Variants in MYOF observed in about 807,000 individuals in gnomAD.
MYOF encodes myoferlin.
Under a neutral mutation model 284.2 loss-of-function variants are expected in MYOF, and 244 were observed. The observed-to-expected ratio is 0.86, with a 90% CI of 0.77 to 0.95. The LOEUF (loss-of-function observed/expected upper bound fraction) is 0.95, where lower values mean the gene tolerates loss of function less well. MYOF is among the 40% of genes least tolerant of loss of function. MYOF has a pLI of 0.00. For missense variants in MYOF, 2,496 were observed against 2,560.6 expected, an observed-to-expected ratio of 0.97 and a Z score of 0.54; for synonymous variants, 904 against 919.7, an observed-to-expected ratio of 0.98 and a Z score of 0.31.
Position 93,361,444 on chromosome 10 carries a change from A to G in MYOF, c.2974+8T>C. The G allele has an allele frequency of 6.2e-7, 1 of 1,613,250 alleles. No individual in the cohort carries two copies. Among genetic ancestry groups the G allele is most frequent in the Non-Finnish European group, 8.5e-7 (1 of 1,179,258 alleles). On this transcript the variant is annotated splice_region_variant and intron_variant, in intron 28 of 53. Transcript: ENST00000359263. ...AGCCCCAATCAGGTCACAGATGTACAATGTTACCTTTCTCATCCACCGCTC... is the reference window on the plus strand; with the variant it reads ...AGCCCCAATCAGGTCACAGATGTACGATGTTACCTTTCTCATCCACCGCTC...
At chr10:93,423,371 AC>A (rs532050367) in intron 5 of MYOF, among the ~76,000 whole-genome samples, 131 of 151,814 alleles carry the variant, frequency 8.6e-4, no homozygotes, top group Middle Eastern at 3.4e-3. Context: ...TACTAAAAAT[AC>A]AAAAATTAAG....
At chr10:93,411,669 A>G (rs974024012) in intron 5 of MYOF, among the ~76,000 whole-genome samples, 5 of 152,160 alleles carry the variant, frequency 3.3e-5, no homozygotes, top group African/African-American at 1.2e-4. Context: ...CCACAAGGGA[A>G]AAGGGGGCCT....
At position 93,381,231 on chromosome 10, in the gene MYOF, C is replaced by G. The variant is rs752996731; in HGVS notation, c.1864G>C (p.Ala622Pro). The G allele has an allele frequency of 1.2e-6, 2 of 1,614,176 alleles. No homozygotes were observed. Among genetic ancestry groups the G allele is most frequent in the Non-Finnish European group, 1.7e-6 (2 of 1,180,032 alleles). Residue 622 changes from alanine to proline, a missense_variant, in exon 20 of 54, where the codon GCT becomes CCT. Physicochemically the swap from Ala to Pro is conservative, Grantham distance 27. This residue lies in a region of MYOF where 2,436 missense variants were observed against 2,480.7 expected (regional missense o/e 0.98). Coordinates refer to ENST00000359263, the MANE Select transcript of MYOF (RefSeq NM_013451.4). Reference protein sequence around the residue: ...PLASTTQYSRAVFDGNYYYYL... With the variant: ...PLASTTQYSRPVFDGNYYYYL... ...GTGCCAATCTTACCATCAAATACAG[C>G]ACGGCTGTACTGAGTTGTTGATGCC...
chr10:93,361,231 A>G (rs1265631721), intron 28 of MYOF, among the ~76,000 whole-genome samples: 1 of 152,180 alleles, frequency 6.6e-6, no homozygotes, highest in Non-Finnish European at 1.5e-5. Flanking sequence ...ATCTGACAGG[A>G]GGCAGAGCTC....
Position 93,384,660 on chromosome 10 carries a change from A to G in MYOF, c.1698+3137T>C, listed in dbSNP as rs564997229. 1.3e-4 allele frequency among the ~76,000 whole-genome samples: 20 copies of G among 150,166 alleles called. No homozygotes were observed. In the South Asian group the frequency reaches 2.1e-3, roughly 16 times the overall value. On this transcript the variant is annotated intron_variant, in intron 19 of 53. Transcript: ENST00000359263. ...ACTCTGTCTCAGAAAAAAAAAAAAA[A>G]AAGAAGAATGTAAGTTGTAGTCTAT...
chr10:93,453,946 G>A (rs2056666868), intron 2 of MYOF, among the ~76,000 whole-genome samples: 1 of 152,162 alleles, frequency 6.6e-6, no homozygotes, highest in Non-Finnish European at 1.5e-5. Context: ...ACTTTGGGAG[G>A]CCAAGGCAGA....
intron 5 of MYOF, among the ~76,000 whole-genome samples, chr10:93,412,881 G>A (rs1000145067): frequency 6.6e-6 from 1 of 152,104 alleles, no homozygotes; most frequent in Non-Finnish European, 1.5e-5. Context: ...CACCAGCCTC[G>A]GGGAAGCACT....
At chr10:93,432,618 T>C (rs1461407699) in intron 3 of MYOF, among the ~76,000 whole-genome samples, 3 of 152,184 alleles carry the variant, frequency 2.0e-5, no homozygotes, top group Non-Finnish European at 4.4e-5. Context: ...TAGCTTGCTG[T>C]CCCCTGTTTG....
chr10:93,424,905 C>A (rs900563001), intron 5 of MYOF, among the ~76,000 whole-genome samples: 4 of 147,714 alleles, frequency 2.7e-5, no homozygotes, highest in African/African-American at 1.0e-4. Flanking sequence ...AAGTGCAGGA[C>A]TTCCTCCCAG....
At chr10:93,395,437 T>C (rs1846954995) in intron 16 of MYOF, among the ~76,000 whole-genome samples, 1 of 152,150 alleles carries the variant, frequency 6.6e-6, no homozygotes, top group South Asian at 2.1e-4. Flanking sequence ...AGCGAGACTC[T>C]ATCTCAAAAA....
chr10:93,368,496 C>T (rs896393231), intron 25 of MYOF, among the ~76,000 whole-genome samples: 2 of 152,198 alleles, frequency 1.3e-5, no homozygotes, highest in African/African-American at 4.8e-5. Context: ...TTGGCTTCTT[C>T]ATCATCTTCA....
rs115523288 is a variant in MYOF, at chr10:93,398,593, C to T, written c.1221+799G>A. ...AGGAAATGGAAACTCAGAGGGTAAA[C>T]GATTTGCCTGCCTATGAAGTGGGGT... On this transcript the variant is annotated intron_variant, in intron 13 of 53. Coordinates refer to ENST00000359263, the MANE Select transcript of MYOF (RefSeq NM_013451.4). Among the ~76,000 whole-genome samples, 1,344 of 152,250 alleles carry T rather than the reference C, an allele frequency of 8.8e-3. 19 individuals carry two copies. The highest frequency in any genetic ancestry group is 0.031 in the African/African-American group (1,275 of 41,542).
At chr10:93,421,411 G>A (rs562601927) in intron 5 of MYOF, among the ~76,000 whole-genome samples, 187 of 152,220 alleles carry the variant, frequency 1.2e-3, no homozygotes, top group African/African-American at 4.2e-3. Context: ...TCCCTAGCAG[G>A]GGGTTGCAGT....
intron 29 of MYOF, among the ~76,000 whole-genome samples, chr10:93,358,943 A>C (rs1415142932): frequency 6.6e-6 from 1 of 151,802 alleles, no homozygotes; most frequent in East Asian, 1.9e-4. Flanking sequence ...TCGGAACTTA[A>C]ATTAAAAAAA....
intron 3 of MYOF, 77 bp downstream of exon 3, chr10:93,451,973 G>T: frequency 4.0e-6 from 4 of 1,012,232 alleles, no homozygotes; most frequent in Non-Finnish European, 6.1e-6. Context: ...CGTTATTAAA[G>T]ATGTGTCTCT....
At chr10:93,320,386 C>A (rs1424109977) in intron 48 of MYOF, among the ~76,000 whole-genome samples, 1 of 152,224 alleles carries the variant, frequency 6.6e-6, no homozygotes, top group Non-Finnish European at 1.5e-5. Context: ...TTCAGCACTG[C>A]TGATAGGTTA....
intron 3 of MYOF, among the ~76,000 whole-genome samples, chr10:93,440,819 C>T (rs891592303): frequency 6.6e-6 from 1 of 152,168 alleles, no homozygotes; most frequent in African/African-American, 2.4e-5. Flanking sequence ...TCTCTTTCAG[C>T]CTCTCTGGGT....
intron 38 of MYOF, among the ~76,000 whole-genome samples, chr10:93,342,849 T>A (rs548144384): frequency 6.6e-6 from 1 of 152,332 alleles, no homozygotes; most frequent in Non-Finnish European, 1.5e-5. Flanking sequence ...GCTACTACTA[T>A]CTTATTAGGG....
At chr10:93,347,447 G>A (rs1199119859) in intron 37 of MYOF, among the ~76,000 whole-genome samples, 170 bp downstream of exon 37, 1 of 150,312 alleles carries the variant, frequency 6.7e-6, no homozygotes, top group African/African-American at 2.4e-5. Flanking sequence ...AGCTACTCGG[G>A]AGGCTGAGGC....
Sources: allele counts gnomAD v4.1 joint callset (sites outside exome capture counted in the v4.1 genomes callset), GRCh38; gene constraint gnomAD v4.1.1; regional missense constraint gnomAD v4.1.1; transcripts MANE v1.5; gene names NCBI Gene and HGNC (gene_info 2026-07-23, HGNC 2026-07-21).